The following FHIT variants were observed in gnomAD, a reference collection of about 807,000 sequenced individuals.
FHIT encodes fragile histidine triad diadenosine triphosphatase.
FHIT carries 19 observed loss-of-function variants against 17.9 expected under a neutral mutation model. The observed-to-expected ratio is 1.06, with a 90% CI of 0.74 to 1.56. The LOEUF (loss-of-function observed/expected upper bound fraction) is 1.56, where lower values mean the gene tolerates loss of function less well. Among genes scored for constraint, FHIT ranks in the 40% most tolerant of loss-of-function variants. The pLI is 0.00. For missense variants in FHIT, 248 were observed against 189.2 expected, an observed-to-expected ratio of 1.31 and a Z score of -1.82; for synonymous variants, 81 against 69.7, an observed-to-expected ratio of 1.16 and a Z score of -0.81.
chr3:60,590,102 T>A (rs1174437394), intron 4 of FHIT, among the ~76,000 whole-genome samples: 1 of 152,100 alleles, frequency 6.6e-6, no homozygotes, highest in African/African-American at 2.4e-5. Flanking sequence ...AAAATAATTT[T>A]TCTCTAATAA....
At chr3:60,134,958 A>C (rs1452391083) in intron 5 of FHIT, among the ~76,000 whole-genome samples, 1 of 152,116 alleles carries the variant, frequency 6.6e-6, no homozygotes, top group Non-Finnish European at 1.5e-5. Flanking sequence ...AGGAAAGAGA[A>C]AGGTGGACAG....
At chr3:60,257,580 A>G (rs1268083945) in intron 5 of FHIT, among the ~76,000 whole-genome samples, 1 of 152,168 alleles carries the variant, frequency 6.6e-6, no homozygotes, top group East Asian at 1.9e-4. Flanking sequence ...CAGTAGTAAC[A>G]TGGCATAGGG....
At chr3:61,042,853 AT>A (rs1388032525) in intron 2 of FHIT, among the ~76,000 whole-genome samples, 3 of 151,976 alleles carry the variant, frequency 2.0e-5, no homozygotes, top group African/African-American at 2.4e-5. Context: ...AAAAAAAAAA[AT>A]TAAACACTTT....
chr3:60,594,397 C>A (rs970377481), intron 4 of FHIT, among the ~76,000 whole-genome samples: 7 of 152,120 alleles, frequency 4.6e-5, no homozygotes, highest in African/African-American at 1.7e-4. Flanking sequence ...AGAAACCAGT[C>A]GAGGAAACCA....
intron 5 of FHIT, among the ~76,000 whole-genome samples, chr3:60,020,396 A>G (rs897787394): frequency 6.6e-6 from 1 of 152,196 alleles, no homozygotes; most frequent in Non-Finnish European, 1.5e-5. Context: ...GCCCCCATTT[A>G]GTTTTCTATA....
intron 5 of FHIT, among the ~76,000 whole-genome samples, chr3:60,165,503 T>C (rs563550597): frequency 2.2e-4 from 33 of 152,296 alleles, no homozygotes; most frequent in Admixed American, 9.8e-4. Flanking sequence ...TCATAAGTGA[T>C]GTTATTTCCA....
At chr3:61,102,467 T>A (rs2035862349) in intron 2 of FHIT, among the ~76,000 whole-genome samples, 1 of 152,228 alleles carries the variant, frequency 6.6e-6, no homozygotes, top group Non-Finnish European at 1.5e-5. Context: ...AGTATTTTAT[T>A]GAGGATTTCT....
At chr3:61,245,445 A>T (rs1219576068) in intron 1 of FHIT, among the ~76,000 whole-genome samples, 3 of 152,156 alleles carry the variant, frequency 2.0e-5, no homozygotes, top group African/African-American at 7.2e-5. Flanking sequence ...TAGACCACTG[A>T]AGAGTATCCT....
At chr3:60,499,674 C>T (rs75135899) in intron 5 of FHIT, among the ~76,000 whole-genome samples, 16,501 of 152,198 alleles carry the variant, frequency 0.11, 1,169 homozygotes, top group South Asian at 0.22. Context: ...CCACCGCGCC[C>T]GGCCTCTCTG....
At chr3:60,854,092 A>C (rs1160259126) in intron 3 of FHIT, among the ~76,000 whole-genome samples, 1 of 152,160 alleles carries the variant, frequency 6.6e-6, no homozygotes. Flanking sequence ...ACTAGAATGT[A>C]AACTTCTTGG....
intron 7 of FHIT, among the ~76,000 whole-genome samples, chr3:59,973,339 C>A (rs116386409): frequency 0.01 from 1,534 of 152,104 alleles, 31 homozygotes; most frequent in African/African-American, 0.033. Context: ...TTTAGTTGGC[C>A]CCATTATCTT....
intron 3 of FHIT, among the ~76,000 whole-genome samples, chr3:60,858,911 T>A (rs576842627): frequency 1.2e-4 from 18 of 152,234 alleles, no homozygotes; most frequent in East Asian, 7.7e-4. Flanking sequence ...ACAGGATGAT[T>A]TAAAAAGCAC....
intron 3 of FHIT, among the ~76,000 whole-genome samples, chr3:60,900,581 G>C (rs1316012270): frequency 6.6e-6 from 1 of 152,012 alleles, no homozygotes; most frequent in African/African-American, 2.4e-5. Flanking sequence ...ATTTGAGCCT[G>C]CATGGACACT....
chr3:59,981,424 T>C (rs1027290296), intron 7 of FHIT, among the ~76,000 whole-genome samples: 2 of 152,130 alleles, frequency 1.3e-5, no homozygotes, highest in Non-Finnish European at 2.9e-5. Flanking sequence ...CTGTGACAAA[T>C]TCAATATCCA....
chr3:60,211,106 A>G (rs1220801554), intron 5 of FHIT, among the ~76,000 whole-genome samples: 1 of 151,442 alleles, frequency 6.6e-6, no homozygotes, highest in Non-Finnish European at 1.5e-5. Context: ...GGAAGAGGAA[A>G]AAGAAGAAAA....
chr3:61,042,775 G>T (rs2107694149), intron 2 of FHIT, among the ~76,000 whole-genome samples: 1 of 151,988 alleles, frequency 6.6e-6, no homozygotes, highest in African/African-American at 2.4e-5. Context: ...AGGAGGCAGA[G>T]GTTGCAGTGA....
intron 4 of FHIT, among the ~76,000 whole-genome samples, chr3:60,715,878 C>A (rs1234410786): frequency 1.3e-5 from 2 of 152,022 alleles, no homozygotes; most frequent in Non-Finnish European, 2.9e-5. Context: ...TAGTTTCGAC[C>A]TTGCAGACTC....
intron 5 of FHIT, among the ~76,000 whole-genome samples, chr3:60,404,139 T>C (rs536864844): frequency 6.6e-6 from 1 of 152,286 alleles, no homozygotes; most frequent in Admixed American, 6.5e-5. Flanking sequence ...CCACAACCAA[T>C]GAGAATACTT....
intron 7 of FHIT, among the ~76,000 whole-genome samples, chr3:59,940,895 A>G (rs1706481819): frequency 6.6e-6 from 1 of 152,164 alleles, no homozygotes; most frequent in Non-Finnish European, 1.5e-5. Context: ...TTACTTCCAT[A>G]GAGAGGACTT....
Sources: gnomAD v4.1 joint callset for allele counts (sites outside exome capture counted in the v4.1 genomes callset) on GRCh38, gnomAD v4.1.1 for gene constraint, MANE v1.5 for transcripts, NCBI Gene and HGNC (gene_info 2026-07-23, HGNC 2026-07-21) for gene names.